The following RPS6KC1 variants were observed in gnomAD, a reference collection of about 807,000 sequenced individuals.
RPS6KC1 encodes ribosomal protein S6 kinase C1.
A neutral mutation model predicts 103.8 loss-of-function variants in RPS6KC1; 54 were observed. The ratio of observed to expected loss-of-function variants is 0.52; its 90% CI spans 0.42 to 0.65. RPS6KC1 has a LOEUF of 0.65. Ranked by LOEUF, RPS6KC1 falls within the 30% of genes least tolerant of loss-of-function variation. The pLI is 0.00. For missense variants in RPS6KC1, 1,151 were observed against 1,253.8 expected (o/e 0.92, Z 1.24); for synonymous variants, 439 against 438.7 (o/e 1.00, Z -0.01).
intron 10 of RPS6KC1, among the ~76,000 whole-genome samples, chr1:213,235,641 A>G (rs2094205121): frequency 6.6e-6 from 1 of 152,166 alleles, no homozygotes; most frequent in Non-Finnish European, 1.5e-5. Flanking sequence ...TTGGTGTTCA[A>G]GAAACAGCAG....
the RPS6KC1 span, among the ~76,000 whole-genome samples, chr1:213,504,359 A>G: frequency 1.3e-5 from 2 of 152,058 alleles, no homozygotes; most frequent in South Asian, 2.1e-4. Context: ...CTCAAACATG[A>G]TATCAAATAT....
At chr1:213,803,240 CTT>C in the RPS6KC1 span, among the ~76,000 whole-genome samples, 10 of 101,382 alleles carry the variant, frequency 9.9e-5, no homozygotes, top group African/African-American at 3.0e-4. Flanking sequence ...AAGGCAGTGG[CTT>C]TTTTTTTTTT....
At chr1:213,571,027 T>A in the RPS6KC1 span, among the ~76,000 whole-genome samples, 27 of 152,376 alleles carry the variant, frequency 1.8e-4, no homozygotes, top group African/African-American at 6.5e-4. Context: ...TAAATGCGTA[T>A]GTGTCTTCCA....
At chr1:213,702,175 C>G in the RPS6KC1 span, among the ~76,000 whole-genome samples, 3 of 151,824 alleles carry the variant, frequency 2.0e-5, no homozygotes, top group African/African-American at 7.2e-5. Flanking sequence ...CATTGACCCA[C>G]TGGTCAATTA....
At chr1:213,165,801 T>C (rs1241162460) in intron 6 of RPS6KC1, among the ~76,000 whole-genome samples, 1 of 151,976 alleles carries the variant, frequency 6.6e-6, no homozygotes, top group Non-Finnish European at 1.5e-5. Flanking sequence ...AGGTGATCCA[T>C]CTGCCTCAGC....
intron 14 of RPS6KC1, among the ~76,000 whole-genome samples, chr1:213,264,772 T>TA (rs1001846416): frequency 1.2e-4 from 18 of 151,710 alleles, no homozygotes; most frequent in East Asian, 7.7e-4. Flanking sequence ...GAGGTCACTT[T>TA]AAAAAAAAAT....
chr1:213,598,716 A>G, the RPS6KC1 span, among the ~76,000 whole-genome samples: 116,655 of 151,874 alleles, frequency 0.77, 45,004 homozygotes, highest in East Asian at 0.98. Flanking sequence ...TCAGGAGTTC[A>G]AGACTAGCCT....
chr1:213,404,859 A>G, the RPS6KC1 span, among the ~76,000 whole-genome samples: 1 of 152,182 alleles, frequency 6.6e-6, no homozygotes, highest in Admixed American at 6.5e-5. Context: ...TCACACTCCT[A>G]CTTAATTCAG....
chr1:213,831,176 A>T, the RPS6KC1 span, among the ~76,000 whole-genome samples: 21 of 152,160 alleles, frequency 1.4e-4, no homozygotes, highest in African/African-American at 5.1e-4. Context: ...ACCCTGCTTT[A>T]AAAAAATGTT....
intron 1 of RPS6KC1, among the ~76,000 whole-genome samples, chr1:213,063,608 T>A (rs2078035562): frequency 6.6e-6 from 1 of 152,232 alleles, no homozygotes; most frequent in African/African-American, 2.4e-5. Flanking sequence ...CTTCAGATTT[T>A]AGTAGGTGTT....
the RPS6KC1 span, among the ~76,000 whole-genome samples, chr1:213,290,144 C>CAAAAAAAAA: frequency 5.7e-5 from 4 of 70,086 alleles, no homozygotes; most frequent in African/African-American, 1.2e-4. Flanking sequence ...GACTCCGTCT[C>CAAAAAAAAA]AAAAAAAAAA....
At chr1:213,470,489 T>C in the RPS6KC1 span, among the ~76,000 whole-genome samples, 2 of 152,226 alleles carry the variant, frequency 1.3e-5, no homozygotes, top group Non-Finnish European at 2.9e-5. Flanking sequence ...TTCCTGTTTA[T>C]GATGTCAGTA....
the RPS6KC1 span, among the ~76,000 whole-genome samples, chr1:213,634,808 C>G: frequency 3.3e-5 from 5 of 151,056 alleles, no homozygotes; most frequent in South Asian, 8.4e-4. Context: ...AAAAAAAAAC[C>G]CTTCAAAAAA....
the RPS6KC1 span, among the ~76,000 whole-genome samples, chr1:213,610,010 A>G: frequency 6.6e-6 from 1 of 152,130 alleles, no homozygotes; most frequent in Admixed American, 6.5e-5. Context: ...ACATACATGA[A>G]CTTTTTCAGT....
chr1:213,097,022 A>G (rs1448418817), intron 3 of RPS6KC1, among the ~76,000 whole-genome samples: 1 of 152,206 alleles, frequency 6.6e-6, no homozygotes, highest in Non-Finnish European at 1.5e-5. Flanking sequence ...CATCTCCACC[A>G]GAGCTTCGAG....
chr1:213,122,718 T>C (rs952356634), intron 5 of RPS6KC1, among the ~76,000 whole-genome samples: 2 of 152,178 alleles, frequency 1.3e-5, no homozygotes, highest in African/African-American at 2.4e-5. Context: ...TTTGGTGTTA[T>C]GTATGTTAGA....
chr1:213,231,220 C>T (rs1281424626), intron 9 of RPS6KC1, among the ~76,000 whole-genome samples: 3 of 152,100 alleles, frequency 2.0e-5, no homozygotes, highest in Admixed American at 1.3e-4. Flanking sequence ...GTCTCACCTT[C>T]GATTATCACT....
intron 8 of RPS6KC1, among the ~76,000 whole-genome samples, chr1:213,202,262 T>A (rs1309934550): frequency 1.3e-5 from 2 of 152,034 alleles, no homozygotes; most frequent in Non-Finnish European, 2.9e-5. Flanking sequence ...AAACTTCCTT[T>A]AAAAAATCAG....
chr1:213,376,335 T>G, the RPS6KC1 span, among the ~76,000 whole-genome samples: 1 of 152,168 alleles, frequency 6.6e-6, no homozygotes, highest in Non-Finnish European at 1.5e-5. Flanking sequence ...AATTATTGCA[T>G]TGTATTCAAT....
Sources: allele counts gnomAD v4.1 joint callset (sites outside exome capture counted in the v4.1 genomes callset), GRCh38; gene constraint gnomAD v4.1.1; transcripts MANE v1.5; gene names NCBI Gene and HGNC (gene_info 2026-07-23, HGNC 2026-07-21).